NEXMIF: variants seen among roughly 807,000 people sequenced by gnomAD.
The protein encoded by NEXMIF is XLMR protein related to neurite extension.
In NEXMIF, 8 loss-of-function variants were observed where a neutral mutation model predicts 62.1. The observed-to-expected ratio is 0.13, with a 90% CI of 0.08 to 0.23. The LOEUF (loss-of-function observed/expected upper bound fraction) is 0.23. Among genes scored for constraint, NEXMIF ranks in the 10% least tolerant of loss-of-function variants. The pLI is 1.00. For missense variants in NEXMIF, 976 were observed against 1,113.3 expected, an observed-to-expected ratio of 0.88 and a Z score of 1.75; for synonymous variants, 404 against 416.6, an observed-to-expected ratio of 0.97 and a Z score of 0.37.
chrX:74,855,808 C>T (rs899197594), intron 1 of NEXMIF, among the ~76,000 whole-genome samples: 5 of 111,950 alleles, frequency 4.5e-5, no homozygotes, highest in African/African-American at 6.5e-5. Context: ...AATCTCTGTT[C>T]ATTCATTAGC....
chrX:74,813,487 T>G (rs2080366793), intron 1 of NEXMIF, among the ~76,000 whole-genome samples: 1 of 112,350 alleles, frequency 8.9e-6, no homozygotes, highest in Non-Finnish European at 1.9e-5. Context: ...TTTAAAAATG[T>G]GTTTTGTAAA....
At position 74,742,097 on chromosome X, in the gene NEXMIF, A is replaced by G. The variant is rs2080107049; in HGVS notation, c.2460T>C (p.Asp820=). Residue 820 remains aspartate, a synonymous_variant, in exon 3 of 4, where the codon GAT becomes GAC. Transcript: ENST00000055682. The part of the protein sequence containing the change: ...IPGGYLQTLL[D]ASDLSNNTSI... Reference sequence around the variant, plus strand: ...TAGTGTTATTTGACAAGTCAGAAGCATCTAACAATGTCTGCAGATACCCTC... The same window carrying G: ...TAGTGTTATTTGACAAGTCAGAAGCGTCTAACAATGTCTGCAGATACCCTC... 1.6e-5 allele frequency: 19 copies of G among 1,210,621 alleles called. No homozygotes were observed. Among genetic ancestry groups the G allele is most frequent in the Non-Finnish European group, 2.1e-5 (19 of 894,320 alleles).
At chrX:74,866,178 A>T (rs1349770256) in intron 1 of NEXMIF, among the ~76,000 whole-genome samples, 1 of 112,081 alleles carries the variant, frequency 8.9e-6, no homozygotes, top group Non-Finnish European at 1.9e-5. Flanking sequence ...GGAGCTGCCC[A>T]AGGCCGTGGG....
intron 1 of NEXMIF, among the ~76,000 whole-genome samples, chrX:74,789,471 G>T (rs1483541479): frequency 9.1e-6 from 1 of 110,169 alleles, no homozygotes; most frequent in African/African-American, 3.3e-5. Context: ...ATGATTTATA[G>T]TCCTTTGGGT....
At chrX:74,748,793 T>C (rs765722245) in intron 1 of NEXMIF, among the ~76,000 whole-genome samples, 2 of 111,659 alleles carry the variant, frequency 1.8e-5, no homozygotes, top group East Asian at 2.8e-4. Context: ...GTCTAAGGTC[T>C]CAGAGTCTAG....
chrX:74,914,672 C>T (rs1400759813), intron 1 of NEXMIF, among the ~76,000 whole-genome samples: 2 of 111,606 alleles, frequency 1.8e-5, no homozygotes, highest in Admixed American at 9.5e-5. Context: ...CAGAGAAAGT[C>T]TCCGCCCCAC....
rs1273229529 is a variant in NEXMIF at position 74,774,257 on chromosome X, T to A, written c.-47-28560A>T. 3.6e-5 allele frequency among the ~76,000 whole-genome samples: 4 copies of A among 111,718 alleles called. No individual in the cohort carries two copies. The Admixed American group carries it at 3.8e-4, about 11-fold the overall frequency. ...TGTGAGAGGAAAATAATTATCATCT[T>A]GATTTACAGATGAGAAAACTAAGGA... On this transcript the variant is annotated intron_variant, in intron 1 of 3. Coordinates refer to ENST00000055682, the MANE Select transcript of NEXMIF (RefSeq NM_001008537.3).
chrX:74,887,967 T>C (rs2080702659), intron 1 of NEXMIF, among the ~76,000 whole-genome samples: 1 of 111,634 alleles, frequency 9.0e-6, no homozygotes, highest in Non-Finnish European at 1.9e-5. Flanking sequence ...TATGCAGCTA[T>C]AAAAAAGGAT....
At chrX:74,813,106 AG>A (rs1396938271) in intron 1 of NEXMIF, among the ~76,000 whole-genome samples, 1 of 111,984 alleles carries the variant, frequency 8.9e-6, no homozygotes, top group Non-Finnish European at 1.9e-5. Context: ...TAAAGAAGAG[AG>A]GTGAGAAAAC....
chrX:74,847,449 C>T (rs907872011), intron 1 of NEXMIF, among the ~76,000 whole-genome samples: 1 of 112,199 alleles, frequency 8.9e-6, no homozygotes, highest in African/African-American at 3.2e-5. Context: ...GACATAGCTG[C>T]TCCACCCTCA....
intron 1 of NEXMIF, among the ~76,000 whole-genome samples, chrX:74,843,620 T>C (rs184277974): frequency 9.0e-6 from 1 of 111,149 alleles, no homozygotes; most frequent in East Asian, 2.8e-4. Flanking sequence ...TTCACCATGT[T>C]AGGGAGGATG....
chrX:74,777,522 C>T lies in NEXMIF; in HGVS notation c.-47-31825G>A, dbSNP rs181216236. ...AAATATAATTTCCCTACTGTACTATCGAATCACATATAGGCAGTTTAAGGA... is the reference window on the plus strand; with the variant it reads ...AAATATAATTTCCCTACTGTACTATTGAATCACATATAGGCAGTTTAAGGA... On this transcript the variant is annotated intron_variant, in intron 1 of 3. Transcript: ENST00000055682. Among the ~76,000 whole-genome samples, 3 of 111,521 alleles carry T rather than the reference C, an allele frequency of 2.7e-5. No homozygotes were observed. In the East Asian group the frequency reaches 8.4e-4, roughly 31 times the overall value.
intron 1 of NEXMIF, among the ~76,000 whole-genome samples, chrX:74,883,341 C>T (rs1309346500): frequency 9.0e-6 from 1 of 111,101 alleles, no homozygotes; most frequent in East Asian, 2.8e-4. Flanking sequence ...GAAGACCAAA[C>T]TACTCCGAGC....
intron 1 of NEXMIF, among the ~76,000 whole-genome samples, chrX:74,821,742 T>TGC (rs1350416138): frequency 2.7e-5 from 3 of 111,449 alleles, no homozygotes; most frequent in Non-Finnish European, 5.7e-5. Context: ...TGTGTGTGTG[T>TGC]GTGTTTCTGA....
intron 1 of NEXMIF, among the ~76,000 whole-genome samples, chrX:74,827,519 C>A (rs1042953749): frequency 2.1e-4 from 24 of 112,211 alleles, no homozygotes; most frequent in African/African-American, 7.8e-4. Flanking sequence ...TACCATGATG[C>A]CTTAGTTTCA....
Position 74,743,017 on chromosome X carries a change from C to G in NEXMIF, c.1540G>C (p.Gly514Arg). ...VNERKEWLPV[G>R]SKEEDDDEWC... The stretch of plus-strand genomic sequence containing the variant: ...TCATCATCATCTTCCTCTTTGGAAC[C>G]AACTGGCAGCCATTCCTTCCTCTCA... Residue 514 changes from glycine to arginine, a missense_variant, in exon 3 of 4, where the codon GGT becomes CGT. Gly to Arg is a moderately radical substitution (Grantham distance 125). Around this residue, in one of 5 missense-constraint regions of NEXMIF, gnomAD observed 639 missense variants for 694.5 expected, o/e 0.92. Coordinates refer to ENST00000055682, the MANE Select transcript of NEXMIF (RefSeq NM_001008537.3). The G allele has an allele frequency of 8.3e-7, 1 of 1,211,155 alleles. No homozygotes were observed. Among genetic ancestry groups the G allele is most frequent in the South Asian group, 1.8e-5 (1 of 56,911 alleles).
chrX:74,874,164 T>C (rs1403504474), intron 1 of NEXMIF, among the ~76,000 whole-genome samples: 1 of 109,362 alleles, frequency 9.1e-6, no homozygotes, highest in Non-Finnish European at 1.9e-5. Context: ...TGAATTGATT[T>C]TTGTATAAGG....
At chrX:74,776,021 A>G (rs1243804071) in intron 1 of NEXMIF, among the ~76,000 whole-genome samples, 1 of 111,805 alleles carries the variant, frequency 8.9e-6, no homozygotes, top group Non-Finnish European at 1.9e-5. Flanking sequence ...ATAAAGGACA[A>G]GGGGACAAGA....
Position 74,877,929 on chromosome X carries a change from G to A in NEXMIF, c.-48+46954C>T, listed in dbSNP as rs373544584. 5.4e-5 allele frequency among the ~76,000 whole-genome samples: 6 copies of A among 111,693 alleles called. No individual in the cohort carries two copies. In the East Asian group the frequency reaches 8.5e-4, roughly 16 times the overall value. On this transcript the variant is annotated intron_variant, in intron 1 of 3. Transcript: ENST00000055682. ...CAAAGTTTTCAACTTCTTTGCCTTT[G>A]GTTTGAATGTCCTCCCCTGGCTCGG...
Sources: allele counts gnomAD v4.1 joint callset (sites outside exome capture counted in the v4.1 genomes callset), GRCh38; gene constraint gnomAD v4.1.1; regional missense constraint gnomAD v4.1.1; transcripts MANE v1.5; gene names NCBI Gene and HGNC (gene_info 2026-07-23, HGNC 2026-07-21).